Variants in HDLBP observed in about 807,000 individuals in gnomAD.
HDLBP encodes the protein high density lipoprotein binding protein.
Under a neutral mutation model 137.3 loss-of-function variants are expected in HDLBP, and 30 were observed. The ratio of observed to expected loss-of-function variants is 0.22; its 90% CI spans 0.16 to 0.30. The LOEUF (loss-of-function observed/expected upper bound fraction) is 0.30, where lower values mean the gene tolerates loss of function less well. Among genes scored for constraint, HDLBP ranks in the 10% least tolerant of loss-of-function variants. HDLBP has a pLI of 1.00. For synonymous variants in HDLBP, 606 were observed against 596.0 expected, an observed-to-expected ratio of 1.02 and a Z score of -0.24; for missense variants, 1,119 against 1,667.3, an observed-to-expected ratio of 0.67 and a Z score of 5.73.
At chr2:241,305,389 C>T (rs2075537103) in intron 1 of HDLBP, among the ~76,000 whole-genome samples, 1 of 152,182 alleles carries the variant, frequency 6.6e-6, no homozygotes, top group Non-Finnish European at 1.5e-5. Flanking sequence ...TCCCAAAGTG[C>T]TGGGATTACA....
chr2:241,257,230 A>G (rs1048200995), intron 5 of HDLBP, among the ~76,000 whole-genome samples: 2 of 152,236 alleles, frequency 1.3e-5, no homozygotes, highest in Non-Finnish European at 2.9e-5. Context: ...ATGTAATGAA[A>G]GAGATGCGTT....
Position 241,257,906 on chromosome 2 carries a change from T to G in HDLBP, c.451-1100A>C, listed in dbSNP as rs187069475. 7.9e-4 allele frequency among the ~76,000 whole-genome samples: 120 copies of G among 152,294 alleles called. 1 individual carries two copies. Among genetic ancestry groups the G allele is most frequent in the African/African-American group, 2.5e-3 (105 of 41,574 alleles). On this transcript the variant is annotated intron_variant, in intron 5 of 27. Transcript: ENST00000310931. ...TGAACTGAAAACCCAGAAACAGAGCTAAGTTAATATAAACATTTAGGACAT... is the reference window on the plus strand; with the variant it reads ...TGAACTGAAAACCCAGAAACAGAGCGAAGTTAATATAAACATTTAGGACAT...
intron 6 of HDLBP, 57 bp from the exon 7 acceptor site, chr2:241,256,456 G>T (rs1279024048): frequency 1.3e-6 from 2 of 1,529,694 alleles, no homozygotes; most frequent in Non-Finnish European, 1.8e-6. Flanking sequence ...ACTGGGGACA[G>T]ACAGGGCTTT....
intron 14 of HDLBP, chr2:241,247,384 C>T (rs1161298815): frequency 2.5e-5 from 13 of 520,984 alleles, no homozygotes; most frequent in Non-Finnish European, 4.2e-5. Context: ...TGTCCCATGC[C>T]AGGATCAGAG....
At chr2:241,232,405 A>AGCTG (rs2069875874) in intron 24 of HDLBP, among the ~76,000 whole-genome samples, 1 of 151,992 alleles carries the variant, frequency 6.6e-6, no homozygotes, top group East Asian at 1.9e-4. Context: ...TCTCCCGAGT[A>AGCTG]GCTGGGATTA....
intron 16 of HDLBP, among the ~76,000 whole-genome samples, chr2:241,245,770 C>G (rs1194346525): frequency 6.6e-6 from 1 of 152,060 alleles, no homozygotes; most frequent in Non-Finnish European, 1.5e-5. Context: ...CCACTGCACT[C>G]CAGCCTGGAC....
At chr2:241,251,249 G>A (rs1574919505) in intron 11 of HDLBP, among the ~76,000 whole-genome samples, 4 of 152,248 alleles carry the variant, frequency 2.6e-5, no homozygotes, top group East Asian at 1.9e-4. Context: ...AAGAGCCACC[G>A]TGTCAGGCCT....
Position 241,239,656 on chromosome 2 carries a change from G to A in HDLBP, c.2556C>T (p.Ala852=). Residue 852 remains alanine, a synonymous_variant, in exon 19 of 28, where the codon GCC becomes GCT. Coordinates refer to ENST00000310931, the MANE Select transcript of HDLBP (RefSeq NM_005336.6). This position sits in a 1 kb window ranked among gnomAD's most constrained non-coding sequence, Gnocchi z 4.6. ...TQSDKVTLKG[A]KDCVEAAKKR... is the part of the protein sequence containing the mutation. ...TCTTGGCTGCCTCCACACAGTCCTT[G>A]GCGCCCTTGAGGGTGACTTTGTCGC... 2 of 1,614,204 alleles carry A rather than the reference G, an allele frequency of 1.2e-6. No individual in the cohort carries two copies. Among genetic ancestry groups the A allele is most frequent in the Non-Finnish European group, 1.7e-6 (2 of 1,180,034 alleles).
chr2:241,232,302 G>C (rs1339500612), intron 24 of HDLBP, among the ~76,000 whole-genome samples: 1 of 149,192 alleles, frequency 6.7e-6, no homozygotes, highest in Admixed American at 6.7e-5. Flanking sequence ...TAAAGACAGA[G>C]TCTCACTCTG....
intron 1 of HDLBP, among the ~76,000 whole-genome samples, chr2:241,300,950 CTATTATTATTATTATTATTAT>C (rs66491533): frequency 5.6e-5 from 8 of 143,910 alleles, no homozygotes; most frequent in Non-Finnish European, 1.1e-4. Flanking sequence ...TGCACACATA[CTATTATTATTATTATTATTAT>C]TATTATTATT....
intron 4 of HDLBP, 52 bp from the exon 5 acceptor site, chr2:241,262,978 A>G: frequency 7.3e-7 from 1 of 1,367,862 alleles, no homozygotes; most frequent in Non-Finnish European, 1.0e-6. Flanking sequence ...AAGAAGGCCA[A>G]CAGATAGGGA....
chr2:241,282,672 GT>G (rs2074650444), intron 1 of HDLBP, among the ~76,000 whole-genome samples: 1 of 152,118 alleles, frequency 6.6e-6, no homozygotes, highest in Non-Finnish European at 1.5e-5. Context: ...CATTGTATCT[GT>G]TATGGTGATC....
At chr2:241,267,423 G>A (rs899955024) in intron 2 of HDLBP, among the ~76,000 whole-genome samples, 1 of 151,956 alleles carries the variant, frequency 6.6e-6, no homozygotes, top group Non-Finnish European at 1.5e-5. Flanking sequence ...CACCCCAGGG[G>A]CCACAGAGAC....
intron 1 of HDLBP, among the ~76,000 whole-genome samples, chr2:241,276,872 G>A (rs1175082245): frequency 6.6e-6 from 1 of 151,934 alleles, no homozygotes; most frequent in Non-Finnish European, 1.5e-5. Context: ...GGTAACACAG[G>A]TTATGGGATT....
intron 1 of HDLBP, among the ~76,000 whole-genome samples, chr2:241,286,773 A>AAAAAAT (rs1208445923): frequency 1.3e-5 from 2 of 152,110 alleles, no homozygotes; most frequent in East Asian, 1.9e-4. Flanking sequence ...ACCAAAAAAT[A>AAAAAAT]AAAAATAAAA....
Position 241,248,343 on chromosome 2 carries a change from A to G in HDLBP, c.1518T>C (p.Asn506=). 4 of 1,611,460 alleles carry G rather than the reference A, an allele frequency of 2.5e-6. No individual in the cohort carries two copies. In the South Asian group the frequency reaches 3.3e-5, roughly 13 times the overall value. The part of the protein sequence containing the change: ...ELLELASRME[N]ERTKDLIIEQ... ...CAATGATTAGATCCTTGGTACGCTCATTTTCCTAAAAATACAATTAAAGTA... is the reference window on the plus strand; with the variant it reads ...CAATGATTAGATCCTTGGTACGCTCGTTTTCCTAAAAATACAATTAAAGTA... Residue 506 remains asparagine, a synonymous_variant, in exon 13 of 28, where the codon AAT becomes AAC. Transcript: ENST00000310931.
chr2:241,238,607 C>CGT lies in HDLBP; in HGVS notation c.2749+41_2749+42insAC. 1 of 1,434,902 alleles carries CGT rather than the reference C, an allele frequency of 7.0e-7. No individual in the cohort carries two copies. The highest frequency in any genetic ancestry group is 2.5e-5 in the East Asian group (1 of 40,282). 88.9% of individuals were successfully genotyped at this position (1,434,902 alleles called of 1,614,324 possible). On this transcript the variant is annotated intron_variant, in intron 20 of 27. Coordinates refer to ENST00000310931, the MANE Select transcript of HDLBP (RefSeq NM_005336.6). The surrounding 1 kb of genome is among the most constrained non-coding windows in gnomAD (Gnocchi z 4.9). ...ACAGCCCCGCCTCTCACATGGGAGG[C>CGT]GCCACTATTAACAAGCAGAGCAGGG... is the stretch of plus-strand genomic sequence containing the variant.
At chr2:241,258,611 A>C (rs2072912166) in intron 5 of HDLBP, among the ~76,000 whole-genome samples, 1 of 152,200 alleles carries the variant, frequency 6.6e-6, no homozygotes, top group South Asian at 2.1e-4. Flanking sequence ...ATTTGCAATA[A>C]ATTCCAAATA....
intron 20 of HDLBP, among the ~76,000 whole-genome samples, chr2:241,237,937 T>A (rs1005422461): frequency 7.9e-5 from 12 of 152,256 alleles, no homozygotes; most frequent in Non-Finnish European, 4.4e-5. Context: ...GTGTGTGACA[T>A]GCTTCCTGGA....
Sources: gnomAD v4.1 joint callset for allele counts (sites outside exome capture counted in the v4.1 genomes callset) on GRCh38, gnomAD v4.1.1 for gene constraint, Gnocchi (gnomAD v3.1) non-coding constraint, MANE v1.5 for transcripts, NCBI Gene and HGNC (gene_info 2026-07-23, HGNC 2026-07-21) for gene names.